The following ATXN2 variants were observed in gnomAD, a reference collection of about 807,000 sequenced individuals.
ATXN2 encodes ataxin 2.
In ATXN2, 37 loss-of-function variants were observed where a neutral mutation model predicts 138.6. That is an observed-to-expected ratio of 0.27 (90% CI 0.21 to 0.35). The LOEUF is 0.35. ATXN2 is among the 10% of genes least tolerant of loss of function. The pLI is 1.00. For synonymous variants in ATXN2, 549 were observed against 543.7 expected (o/e 1.01, Z -0.13); for missense variants, 1,216 against 1,480.3 (o/e 0.82, Z 2.93).
intron 20 of ATXN2, 48 bp downstream of exon 20, chr12:111,470,060 T>A (rs763146472): frequency 1.2e-5 from 19 of 1,544,922 alleles, no homozygotes; most frequent in Middle Eastern, 1.7e-4. Context: ...GAAACTTAAA[T>A]TAAGAAGAGT....
intron 14 of ATXN2, among the ~76,000 whole-genome samples, chr12:111,506,412 C>T (rs911164288): frequency 2.6e-5 from 4 of 151,950 alleles, no homozygotes; most frequent in East Asian, 1.9e-4. Context: ...ACACTTTAAA[C>T]GGTTTATTTA....
At chr12:111,486,689 G>A in intron 16 of ATXN2, 72 bp downstream of exon 16, 1 of 1,311,644 alleles carries the variant, frequency 7.6e-7, no homozygotes, top group Non-Finnish European at 1.1e-6. Flanking sequence ...TGGCAGGTAT[G>A]GAAGAAGGAC....
rs574689017 is a variant in ATXN2, at chr12:111,489,419, C to T, written c.1936-639G>A. On this transcript the variant is annotated intron_variant, in intron 14 of 24. Coordinates refer to ENST00000673436, the MANE Select transcript of ATXN2 (RefSeq NM_001372574.1). ...CACGAGGTCAGGAGATCGAGACCAT[C>T]TTGGCTCACACGCTGAAACCCCATC... Among the ~76,000 whole-genome samples, 423 of 152,036 alleles carry T rather than the reference C, an allele frequency of 2.8e-3. 4 individuals are homozygous for T. The highest frequency in any genetic ancestry group is 9.6e-3 in the African/African-American group (400 of 41,482).
intron 21 of ATXN2, among the ~76,000 whole-genome samples, chr12:111,462,927 T>C (rs932015399): frequency 1.6e-4 from 25 of 151,780 alleles, no homozygotes; most frequent in Admixed American, 1.4e-3. Context: ...AAATTTAACA[T>C]TTCCTAGCAC....
chr12:111,488,909 T>C, intron 14 of ATXN2, 129 bp from the exon 15 acceptor site: 1 of 785,590 alleles, frequency 1.3e-6, no homozygotes, highest in South Asian at 1.9e-5. Context: ...TTTCATACTT[T>C]AAGAGTAATG....
Position 111,580,643 on chromosome 12 carries a change from C to T in ATXN2, c.251+18141G>A, listed in dbSNP as rs183468970. ...ATAAGGAGACCCTGTCTCTTAGGAACAAAAGGGGAGGGGGAGAGAGAAGGG... is the reference window on the plus strand; with the variant it reads ...ATAAGGAGACCCTGTCTCTTAGGAATAAAAGGGGAGGGGGAGAGAGAAGGG... On this transcript the variant is annotated intron_variant, in intron 1 of 24. Coordinates refer to ENST00000673436, the MANE Select transcript of ATXN2 (RefSeq NM_001372574.1). Among the ~76,000 whole-genome samples, 695 of 99,808 alleles carry T rather than the reference C, an allele frequency of 7.0e-3. 9 individuals are homozygous for T. Among genetic ancestry groups the T allele is most frequent in the African/African-American group, 0.026 (661 of 25,082 alleles). 65.5% of individuals were successfully genotyped at this position (99,808 alleles called of 152,430 possible).
At chr12:111,567,839 T>TTGTCTG (rs1883099725) in intron 1 of ATXN2, among the ~76,000 whole-genome samples, 2 of 152,238 alleles carry the variant, frequency 1.3e-5, no homozygotes, top group South Asian at 4.1e-4. Context: ...TTTCGTATGT[T>TTGTCTG]TGTCTGTCTT....
chr12:111,576,802 A>T (rs1294281076), intron 1 of ATXN2, among the ~76,000 whole-genome samples: 2 of 149,604 alleles, frequency 1.3e-5, no homozygotes, highest in African/African-American at 5.1e-5. Flanking sequence ...TACTAAAAAT[A>T]AAAAAATTAG....
At chr12:111,479,026 A>G (rs1384155265) in intron 18 of ATXN2, 4 of 344,228 alleles carry the variant, frequency 1.2e-5, no homozygotes, top group Non-Finnish European at 2.1e-5. Flanking sequence ...ATAAATAAAT[A>G]AAAAATAAAA....
At chr12:111,498,532 A>G (rs1476286453) in intron 14 of ATXN2, among the ~76,000 whole-genome samples, 3 of 152,208 alleles carry the variant, frequency 2.0e-5, no homozygotes, top group Admixed American at 6.5e-5. Flanking sequence ...AAAGATTTCT[A>G]TAATGACAAC....
intron 14 of ATXN2, among the ~76,000 whole-genome samples, chr12:111,489,522 A>G (rs1877879568): frequency 6.6e-6 from 1 of 151,920 alleles, no homozygotes; most frequent in African/African-American, 2.4e-5. Flanking sequence ...CTGAGGTAGG[A>G]GAATGGTGTG....
At chr12:111,507,542 G>A (rs1879230616) in intron 14 of ATXN2, among the ~76,000 whole-genome samples, 2 of 150,820 alleles carry the variant, frequency 1.3e-5, no homozygotes. Flanking sequence ...GGGAGGTGGG[G>A]GGTCAGCCCC....
At chr12:111,534,935 G>C (rs755544484) in intron 5 of ATXN2, among the ~76,000 whole-genome samples, 2 of 151,960 alleles carry the variant, frequency 1.3e-5, no homozygotes, top group African/African-American at 4.8e-5. Context: ...AGGAGTTCAA[G>C]ATCAGCCTGT....
chr12:111,519,039 T>C (rs1431751511), intron 8 of ATXN2, among the ~76,000 whole-genome samples: 2 of 152,180 alleles, frequency 1.3e-5, no homozygotes, highest in East Asian at 3.8e-4. Context: ...TCACTGTTTT[T>C]CCCCTCAAAC....
At chr12:111,581,029 T>C (rs1883969222) in intron 1 of ATXN2, among the ~76,000 whole-genome samples, 2 of 151,072 alleles carry the variant, frequency 1.3e-5, no homozygotes, top group South Asian at 2.1e-4. Flanking sequence ...TCCCAGCTAC[T>C]TGGGAGGCTG....
intron 18 of ATXN2, among the ~76,000 whole-genome samples, chr12:111,483,388 T>A (rs560410134): frequency 6.9e-6 from 1 of 145,522 alleles, no homozygotes; most frequent in African/African-American, 2.7e-5. Context: ...TAGCAGTTAA[T>A]CACTCTAAAT....
intron 1 of ATXN2, among the ~76,000 whole-genome samples, chr12:111,592,406 C>T (rs374965682): frequency 6.6e-6 from 1 of 150,702 alleles, no homozygotes; most frequent in East Asian, 2.0e-4. Context: ...CAAAAAAACC[C>T]TTAGATGGTA....
At chr12:111,597,994 C>T (rs939589203) in intron 1 of ATXN2, 22 of 1,204,776 alleles carry the variant, frequency 1.8e-5, no homozygotes, top group Non-Finnish European at 2.2e-5. Context: ...CCGGAGAGGT[C>T]TGGCGGGGGA....
chr12:111,524,925 T>A (rs1880395476), intron 6 of ATXN2, among the ~76,000 whole-genome samples: 1 of 152,222 alleles, frequency 6.6e-6, no homozygotes, highest in Non-Finnish European at 1.5e-5. Flanking sequence ...TTTAAGCTAC[T>A]TCTTATTATT....
Sources: allele counts gnomAD v4.1 joint callset (sites outside exome capture counted in the v4.1 genomes callset), GRCh38; gene constraint gnomAD v4.1.1; transcripts MANE v1.5; gene names NCBI Gene and HGNC (gene_info 2026-07-23, HGNC 2026-07-21).